The following KCP variants were observed in gnomAD, a reference collection of about 807,000 sequenced individuals.
KCP encodes kielin cysteine rich BMP regulator, also known as kielin/chordin-like protein.
A neutral mutation model predicts 212.7 loss-of-function variants in KCP; 194 were observed. The ratio of observed to expected loss-of-function variants is 0.91; its 90% CI spans 0.81 to 1.03. KCP has a LOEUF of 1.03. Ranked by LOEUF, KCP falls within the 50% of genes least tolerant of loss-of-function variation. The pLI is 0.00. For missense variants in KCP, 2,080 were observed against 2,162.5 expected (o/e 0.96, Z 0.76); for synonymous variants, 833 against 865.3 (o/e 0.96, Z 0.65).
intron 8 of KCP, among the ~76,000 whole-genome samples, chr7:128,897,048 T>G (rs908575563): frequency 3.3e-5 from 5 of 152,194 alleles, no homozygotes; most frequent in African/African-American, 1.2e-4. Context: ...CACTGCAAGC[T>G]GGGTGAATGA....
chr7:128,881,778 GAGGAGTAAGGCAT>G (rs1159783705), intron 30 of KCP, 53 bp from the exon 31 acceptor site: 64 of 1,450,302 alleles, frequency 4.4e-5, no homozygotes, highest in Non-Finnish European at 5.8e-5. Context: ...GGAGCTGGTG[GAGGAGTAAGGCAT>G]AGGCAGGATG....
chr7:128,886,593 G>C, intron 25 of KCP, 36 bp from the exon 26 acceptor site: 1 of 1,550,880 alleles, frequency 6.4e-7, no homozygotes, highest in Non-Finnish European at 8.7e-7. Context: ...TCGCTGCCTA[G>C]GCTGGGGCCC....
At chr7:128,891,892 G>T in intron 16 of KCP, 73 bp from the exon 17 acceptor site, 4 of 1,176,646 alleles carry the variant, frequency 3.4e-6, no homozygotes, top group Non-Finnish European at 4.6e-6. Flanking sequence ...GTCCAGAGCC[G>T]CCACACAAGT....
chr7:128,883,928 A>G, intron 29 of KCP, 74 bp downstream of exon 29: 1 of 1,479,924 alleles, frequency 6.8e-7, no homozygotes, highest in Non-Finnish European at 9.0e-7. Context: ...TGGGGCTGGG[A>G]CTGGTGAGGA....
chr7:128,879,568 T>A lies in KCP; in HGVS notation c.4100A>T (p.Glu1367Val). Residue 1367 changes from glutamate to valine, a missense_variant, in exon 37 of 40, where the codon GAG becomes GTG. By Grantham distance (121) the Glu-to-Val change is moderately radical (BLOSUM62 -2). Transcript: ENST00000610776. ...PFLQEPLLYV[E>V]LRGHTVILHA... ...CAGGATCACAGTGTGTCCTCGCAGC[T>A]CCACATACAGCAGCGGCTCCTGCAG... is the stretch of plus-strand genomic sequence containing the variant. The A allele has an allele frequency of 6.5e-7, 1 of 1,550,258 alleles. No individual in the cohort carries two copies. The highest frequency in any genetic ancestry group is 8.7e-7 in the Non-Finnish European group (1 of 1,146,936).
At position 128,877,183 on chromosome 7, in the gene KCP, C is replaced by T. The variant is rs749774628; in HGVS notation, c.4747G>A (p.Gly1583Ser). The change falls in exon 40 of 40, where the codon GGC becomes AGC. Residue 1583 changes from glycine to serine, a missense_variant. Coordinates refer to ENST00000610776, the MANE Select transcript of KCP (RefSeq NM_001366122.1). The stretch of plus-strand genomic sequence containing the variant: ...ACCAGGCCTGCAGGGCACTGGCAGC[C>T]GGGCACGCAGGGCCTCACGCAGTGG... ...AAHCVRPCVP[G>S]CQCPAGLVEH... 17 of 1,487,300 alleles carry T rather than the reference C, an allele frequency of 1.1e-5. No homozygotes were observed. Among genetic ancestry groups the T allele is most frequent in the South Asian group, 5.4e-5 (4 of 74,298 alleles). 92.1% of individuals were successfully genotyped at this position (1,487,300 alleles called of 1,614,324 possible). A position where few individuals can be genotyped will look rare whatever the true frequency, so the allele number is the denominator to read the frequency against.
At chr7:128,893,677 G>T (rs1396535543) in intron 11 of KCP, 129 bp downstream of exon 11, 6 of 1,063,560 alleles carry the variant, frequency 5.6e-6, no homozygotes, top group Non-Finnish European at 8.1e-6. Flanking sequence ...CCATGAGAAG[G>T]TGTGGTGAGG....
At chr7:128,902,910 C>T in intron 7 of KCP, 51 bp from the exon 8 acceptor site, 3 of 1,403,186 alleles carry the variant, frequency 2.1e-6, no homozygotes, top group South Asian at 2.5e-5. Flanking sequence ...CTGGCCTGGA[C>T]CCCAGCCTCA....
chr7:128,881,866 G>A (rs1392868358), intron 30 of KCP, 71 bp downstream of exon 30: 2 of 1,455,808 alleles, frequency 1.4e-6, no homozygotes, highest in East Asian at 2.5e-5. Context: ...CTGCGGGAGA[G>A]GAGTGGCAGC....
chr7:128,878,540 G>A lies in KCP; in HGVS notation c.4311+18C>T, dbSNP rs554431536. 87 of 1,546,926 alleles carry A rather than the reference G, an allele frequency of 5.6e-5. 1 individual carries two copies. In the Admixed American group the frequency reaches 1.4e-3, roughly 24 times the overall value. ...TGCGTCTCCCCTAATCCCCATCCCC[G>A]GTTCCTGTACCACTCACCTGCCAGC... is the stretch of plus-strand genomic sequence containing the variant. On this transcript the variant is annotated intron_variant, in intron 38 of 39. Transcript: ENST00000610776.
At chr7:128,904,340 A>G (rs1186093044) in intron 5 of KCP, 8 of 1,551,682 alleles carry the variant, frequency 5.2e-6, no homozygotes, top group African/African-American at 1.4e-5. Context: ...CAAGCAGTTG[A>G]GCTCTGAACA....
At chr7:128,907,205 A>T in intron 3 of KCP, 28 bp from the exon 4 acceptor site, 1 of 1,546,260 alleles carries the variant, frequency 6.5e-7, no homozygotes. Context: ...TCACTCAAGC[A>T]CCCCATGCCA....
chr7:128,891,030 GAGA>G lies in KCP; in HGVS notation c.2036_2038del (p.Phe679del). 3 of 1,356,712 alleles carry G rather than the reference GAGA, an allele frequency of 2.2e-6. No individual in the cohort carries two copies. Among genetic ancestry groups the G allele is most frequent in the Non-Finnish European group, 2.8e-6 (3 of 1,059,772 alleles). The allele number at this position is 1,356,712 out of a possible 1,614,324, so 84.0% of individuals were successfully genotyped here. A position where few individuals can be genotyped will look rare whatever the true frequency, so the allele number is the denominator to read the frequency against. On this transcript the variant is annotated inframe_deletion, in exon 20 of 40. Coordinates refer to ENST00000610776, the MANE Select transcript of KCP (RefSeq NM_001366122.1). Reference sequence around the variant, plus strand: ...GCGGCGGCAGGGATCGCCGGGCGGGGAGAAGTACTCCTGGTGGCGGGCGTGGGC... The same window carrying G: ...GCGGCGGCAGGGATCGCCGGGCGGGGAGTACTCCTGGTGGCGGGCGTGGGC...
chr7:128,891,931 AGAG>A (rs1794174886), intron 16 of KCP, 112 bp from the exon 17 acceptor site: 2 of 765,346 alleles, frequency 2.6e-6, no homozygotes, highest in Admixed American at 7.1e-5. Context: ...TCGAGGGGAA[AGAG>A]GAGGAAGTGG....
Position 128,890,446 on chromosome 7 carries a change from G to A in KCP, c.2232C>T (p.His744=). ...ERFPSPTAAC[H]LCLCWEGSVS... The stretch of plus-strand genomic sequence containing the variant: ...CGCTGCCCTCCCAGCAAAGGCAGAG[G>A]TGGCAGGCAGCAGTGGGCGATGGGA... Residue 744 remains histidine (H), a synonymous_variant, in exon 21 of 40, where the codon CAC becomes CAT. Coordinates refer to ENST00000610776, the MANE Select transcript of KCP (RefSeq NM_001366122.1). 1 of 1,551,142 alleles carries A rather than the reference G, an allele frequency of 6.4e-7. No individual in the cohort carries two copies. Among genetic ancestry groups the A allele is most frequent in the Admixed American group, 2.0e-5 (1 of 51,010 alleles).
chr7:128,887,475 A>C (rs1425583216), intron 22 of KCP, among the ~76,000 whole-genome samples, 175 bp from the exon 23 acceptor site: 4 of 150,622 alleles, frequency 2.7e-5, no homozygotes, highest in African/African-American at 4.9e-5. Context: ...ACACACACAC[A>C]GCCACACACA....
At chr7:128,888,474 A>C (rs1793867248) in intron 22 of KCP, among the ~76,000 whole-genome samples, 1 of 151,288 alleles carries the variant, frequency 6.6e-6, no homozygotes, top group African/African-American at 2.4e-5. Flanking sequence ...CAACACACAC[A>C]CACAGATACA....
At position 128,893,273 on chromosome 7, in the gene KCP, C is replaced by G; in HGVS notation, c.1232G>C (p.Cys411Ser). The change falls in exon 13 of 40, where the codon TGT becomes TCT. Residue 411 changes from cysteine (C) to serine (S), a missense_variant. Transcript: ENST00000610776. ...CEEQECPVTP[C>S]ALPASGRQLC... ...CTGGCGGCCAGAGGCAGGCAGGGCA[C>G]AGGGGGTGACTGGGCACTCCTGCTC... 1.3e-6 allele frequency: 2 copies of G among 1,551,444 alleles called. No individual in the cohort carries two copies. Among genetic ancestry groups the G allele is most frequent in the Non-Finnish European group, 1.7e-6 (2 of 1,146,916 alleles).
chr7:128,886,970 G>C lies in KCP; in HGVS notation c.2599-4C>G. 1.4e-6 allele frequency: 2 copies of C among 1,453,370 alleles called. No individual in the cohort carries two copies. Among genetic ancestry groups the C allele is most frequent in the Non-Finnish European group, 1.9e-6 (2 of 1,061,466 alleles). The allele number at this position is 1,453,370 out of a possible 1,614,324, so 90.0% of individuals were successfully genotyped here. A position where few individuals can be genotyped will look rare whatever the true frequency, so the allele number is the denominator to read the frequency against. ...TCTGGCAGCGCATGGAACCTTCCTG[G>C]GGGAGAGAGGCCCATCACACCCTCA... On this transcript the variant is annotated splice_polypyrimidine_tract_variant and splice_region_variant and intron_variant, in intron 23 of 39. Transcript: ENST00000610776.
Sources: allele counts gnomAD v4.1 joint callset (sites outside exome capture counted in the v4.1 genomes callset), GRCh38; gene constraint gnomAD v4.1.1; transcripts MANE v1.5; gene names NCBI Gene and HGNC (gene_info 2026-07-23, HGNC 2026-07-21).